Variants in RGS6 observed in about 807,000 individuals in gnomAD.
RGS6 encodes regulator of G-protein signaling 6.
In RGS6, 30 loss-of-function variants were observed where a neutral mutation model predicts 78.5. The ratio of observed to expected loss-of-function variants is 0.38; its 90% CI spans 0.29 to 0.52. The LOEUF (loss-of-function observed/expected upper bound fraction) is 0.52, where lower values mean the gene tolerates loss of function less well. Ranked by LOEUF, RGS6 falls within the 20% of genes least tolerant of loss-of-function variation. RGS6 has a pLI of 0.85. For synonymous variants in RGS6, 206 were observed against 206.0 expected, an observed-to-expected ratio of 1.00 and a Z score of 0.00; for missense variants, 495 against 609.7, an observed-to-expected ratio of 0.81 and a Z score of 1.98.
In RGS6 at chr14:72,484,648, T is replaced by C. The variant is rs151063724; in HGVS notation, c.854+6319T>C. ...TTTTTGTCATATTTTCTCAAGTGGT[T>C]GGACTGTATGTTTACTAAATTCTCT... On this transcript the variant is annotated intron_variant, in intron 12 of 17. Transcript: ENST00000553525. Among the ~76,000 whole-genome samples the C allele has an allele frequency of 4.6e-5, 7 of 152,350 alleles. No homozygotes were observed. In the South Asian group the frequency reaches 1.0e-3, roughly 23 times the overall value.
At chr14:72,215,639 A>G (rs1049552865) in intron 2 of RGS6, among the ~76,000 whole-genome samples, 5 of 152,164 alleles carry the variant, frequency 3.3e-5, no homozygotes, top group African/African-American at 1.2e-4. Flanking sequence ...AGAACTTTTT[A>G]AAAGAGGCAA....
At chr14:72,264,062 A>G (rs150914094) in intron 2 of RGS6, among the ~76,000 whole-genome samples, 1 of 152,318 alleles carries the variant, frequency 6.6e-6, no homozygotes, top group South Asian at 2.1e-4. Flanking sequence ...ACACGTGAAC[A>G]TTCATACTAC....
chr14:72,589,757 CTA>C, the RGS6 span, among the ~76,000 whole-genome samples: 1 of 152,102 alleles, frequency 6.6e-6, no homozygotes, highest in Non-Finnish European at 1.5e-5. Flanking sequence ...AAAGATAAAA[CTA>C]TTAAATAATG....
intron 2 of RGS6, among the ~76,000 whole-genome samples, chr14:72,348,697 T>G (rs2681745): frequency 0.54 from 82,603 of 152,086 alleles, 24,672 homozygotes; most frequent in African/African-American, 0.81. Context: ...TAAATTGAAT[T>G]TCTGCGTTCT....
chr14:72,107,204 C>G (rs1473581775), intron 2 of RGS6, among the ~76,000 whole-genome samples: 2 of 151,926 alleles, frequency 1.3e-5, no homozygotes, highest in South Asian at 2.1e-4. Flanking sequence ...TGAATTGCTT[C>G]CCTGTCATGT....
At chr14:72,325,041 C>T (rs1401368731) in intron 2 of RGS6, among the ~76,000 whole-genome samples, 7 of 152,114 alleles carry the variant, frequency 4.6e-5, no homozygotes, top group Non-Finnish European at 5.9e-5. Flanking sequence ...TTTTAATGGT[C>T]GCCATTTTAA....
At chr14:72,173,747 C>G (rs1252612804) in intron 2 of RGS6, among the ~76,000 whole-genome samples, 1 of 152,116 alleles carries the variant, frequency 6.6e-6, no homozygotes, top group African/African-American at 2.4e-5. Context: ...CATACTGGAA[C>G]CTTCCCGTCC....
At chr14:71,920,852 C>G in the RGS6 span, among the ~76,000 whole-genome samples, 1 of 152,072 alleles carries the variant, frequency 6.6e-6, no homozygotes. Flanking sequence ...CAAAAATAGA[C>G]AAATGGGATT....
rs1424247394 is a variant in RGS6 at position 72,358,985 on chromosome 14, A to G, written c.184+6791A>G. On this transcript the variant is annotated intron_variant, in intron 3 of 17. Coordinates refer to ENST00000553525, the MANE Select transcript of RGS6 (RefSeq NM_001204424.2). ...GGTTGGTTACCTCCATGCTTTCCTC[A>G]TGATAGTGAGTGAGTTCTCATGAGA... is the stretch of plus-strand genomic sequence containing the variant. Among the ~76,000 whole-genome samples the G allele has an allele frequency of 3.3e-5, 5 of 152,186 alleles. No homozygotes were observed. In the East Asian group the frequency reaches 7.7e-4, roughly 23 times the overall value.
intron 3 of RGS6, among the ~76,000 whole-genome samples, chr14:72,452,469 A>G (rs966497040): frequency 6.6e-6 from 1 of 152,188 alleles, no homozygotes; most frequent in African/African-American, 2.4e-5. Flanking sequence ...TTCACCTGCC[A>G]TGGACCCAGA....
intron 2 of RGS6, among the ~76,000 whole-genome samples, chr14:72,074,132 G>T (rs1028472381): frequency 6.6e-5 from 10 of 152,206 alleles, no homozygotes; most frequent in Admixed American, 3.3e-4. Flanking sequence ...CAGCTTGCAG[G>T]TAGACTGGAG....
chr14:72,435,243 G>T (rs1295010966), intron 3 of RGS6, among the ~76,000 whole-genome samples: 1 of 152,208 alleles, frequency 6.6e-6, no homozygotes, highest in Non-Finnish European at 1.5e-5. Context: ...GATGTGGCCA[G>T]TTCTCTTGTG....
rs1049943018 is a variant in RGS6 at position 72,190,124 on chromosome 14, C to T, written c.85-161971C>T. 2.6e-5 allele frequency among the ~76,000 whole-genome samples: 4 copies of T among 152,152 alleles called. No individual in the cohort carries two copies. In the South Asian group the frequency reaches 8.3e-4, roughly 32 times the overall value. ...CTGGAGGTGCACTGAGGACTTTTCC[C>T]TCCTGCCTGATCATCTGGGCCTCTC... On this transcript the variant is annotated intron_variant, in intron 2 of 17. Coordinates refer to ENST00000553525, the MANE Select transcript of RGS6 (RefSeq NM_001204424.2).
intron 3 of RGS6, among the ~76,000 whole-genome samples, chr14:72,444,572 T>G (rs1340153725): frequency 6.6e-6 from 1 of 152,208 alleles, no homozygotes; most frequent in Non-Finnish European, 1.5e-5. Flanking sequence ...TCTGGGGTCT[T>G]CTCCCTCAGC....
chr14:72,328,684 C>T (rs1161389371), intron 2 of RGS6, among the ~76,000 whole-genome samples: 1 of 152,130 alleles, frequency 6.6e-6, no homozygotes, highest in Non-Finnish European at 1.5e-5. Context: ...ATTCTACGTA[C>T]CCCAAACCAA....
chr14:72,559,438 C>T lies in RGS6; in HGVS notation c.1423-2979C>T, dbSNP rs527827853. Among the ~76,000 whole-genome samples the T allele has an allele frequency of 1.7e-4, 26 of 152,314 alleles. No homozygotes were observed. In the South Asian group the frequency reaches 5.2e-3, roughly 30 times the overall value. ...TGCCCGCATCCTGCATGATTAACCG[C>T]CTTCCAGTCTGAGCCTGCCCTCACT... On this transcript the variant is annotated intron_variant, in intron 17 of 17. Coordinates refer to ENST00000553525, the MANE Select transcript of RGS6 (RefSeq NM_001204424.2).
intron 2 of RGS6, among the ~76,000 whole-genome samples, chr14:71,987,560 C>T (rs1447519021): frequency 1.3e-5 from 2 of 152,196 alleles, no homozygotes; most frequent in Admixed American, 6.5e-5. Flanking sequence ...GAGTCTCACT[C>T]TGTTCCCCAG....
intron 3 of RGS6, among the ~76,000 whole-genome samples, chr14:72,373,688 C>T (rs905844747): frequency 7.2e-5 from 11 of 152,070 alleles, no homozygotes; most frequent in Admixed American, 1.3e-4. Flanking sequence ...TTGTCTTTGG[C>T]TATTAATAGG....
intron 2 of RGS6, among the ~76,000 whole-genome samples, chr14:72,279,431 A>T (rs562724640): frequency 6.6e-6 from 1 of 152,286 alleles, no homozygotes; most frequent in South Asian, 2.1e-4. Flanking sequence ...GTGAGCTCAC[A>T]CACCCAATCC....
Sources: gnomAD v4.1 joint callset for allele counts (sites outside exome capture counted in the v4.1 genomes callset) on GRCh38, gnomAD v4.1.1 for gene constraint, MANE v1.5 for transcripts, NCBI Gene and HGNC (gene_info 2026-07-23, HGNC 2026-07-21) for gene names.